TNRC6B: variants seen among roughly 807,000 people sequenced by gnomAD.
TNRC6B encodes trinucleotide repeat-containing gene 6B protein.
Under a neutral mutation model 203.6 loss-of-function variants are expected in TNRC6B, and 52 were observed. That is an observed-to-expected ratio of 0.26 (90% confidence interval 0.20 to 0.32). TNRC6B has a LOEUF of 0.32. Among genes scored for constraint, TNRC6B ranks in the 10% least tolerant of loss-of-function variants. TNRC6B has a pLI of 1.00. For synonymous variants in TNRC6B, 838 were observed against 845.7 expected (o/e 0.99, Z 0.16); for missense variants, 1,923 against 2,286.2 (o/e 0.84, Z 3.24).
intron 21 of TNRC6B, among the ~76,000 whole-genome samples, chr22:40,320,619 G>A (rs956561558): frequency 6.6e-6 from 1 of 152,214 alleles, no homozygotes; most frequent in Non-Finnish European, 1.5e-5. Flanking sequence ...GGGGTGAGGG[G>A]TACAGCCTTT....
chr22:40,081,767 C>G (rs1167342470), intron 1 of TNRC6B, among the ~76,000 whole-genome samples: 1 of 152,220 alleles, frequency 6.6e-6, no homozygotes, highest in African/African-American at 2.4e-5. Flanking sequence ...TACATACTTC[C>G]TATTATTGTA....
chr22:40,252,227 C>A (rs1442609502), intron 3 of TNRC6B, among the ~76,000 whole-genome samples: 1 of 152,190 alleles, frequency 6.6e-6, no homozygotes, highest in Non-Finnish European at 1.5e-5. Flanking sequence ...TGCATAAAAT[C>A]GTCAAAATAT....
At chr22:40,261,505 G>A (rs2146493167) in intron 3 of TNRC6B, among the ~76,000 whole-genome samples, 1 of 152,086 alleles carries the variant, frequency 6.6e-6, no homozygotes, top group South Asian at 2.1e-4. Context: ...TTGAACCTGG[G>A]AGGCGGAGGT....
At chr22:40,111,283 C>A (rs563287389) in intron 1 of TNRC6B, among the ~76,000 whole-genome samples, 1 of 152,070 alleles carries the variant, frequency 6.6e-6, no homozygotes, top group Non-Finnish European at 1.5e-5. Flanking sequence ...GGCAGTGGGG[C>A]GAGCAGGGAC....
intron 1 of TNRC6B, among the ~76,000 whole-genome samples, chr22:40,061,381 A>ATTTT (rs547333413): frequency 2.8e-5 from 4 of 144,326 alleles, no homozygotes; most frequent in African/African-American, 1.0e-4. Context: ...CGTCTGCCTA[A>ATTTT]TTTTTTTTTT....
At chr22:40,074,173 A>C (rs1048422137) in intron 1 of TNRC6B, among the ~76,000 whole-genome samples, 1 of 150,400 alleles carries the variant, frequency 6.6e-6, no homozygotes, top group African/African-American at 2.5e-5. Flanking sequence ...CAGAGACTGC[A>C]GTGAGCTGAG....
intron 15 of TNRC6B, among the ~76,000 whole-genome samples, chr22:40,306,279 G>A (rs1231288006): frequency 1.1e-4 from 16 of 152,072 alleles, no homozygotes; most frequent in Non-Finnish European, 1.6e-4. Flanking sequence ...GCGACAGAGC[G>A]AGACTCCGTC....
intron 1 of TNRC6B, among the ~76,000 whole-genome samples, chr22:40,111,220 G>A (rs558874490): frequency 1.4e-4 from 22 of 152,352 alleles, no homozygotes; most frequent in Non-Finnish European, 2.8e-4. Flanking sequence ...AACGGCACGC[G>A]AAACCACGTG....
intron 3 of TNRC6B, among the ~76,000 whole-genome samples, chr22:40,135,862 G>A (rs1010566309): frequency 6.6e-6 from 1 of 152,200 alleles, no homozygotes; most frequent in Non-Finnish European, 1.5e-5. Context: ...GATTTGCTGT[G>A]TTAGGATAAC....
Position 40,332,051 on chromosome 22 carries a change from T to C in TNRC6B, c.*8810T>C, listed in dbSNP as rs2043987921. 1 of 169,358 alleles carries C rather than the reference T, an allele frequency of 5.9e-6. No individual in the cohort carries two copies. Among genetic ancestry groups the C allele is most frequent in the African/African-American group, 2.4e-5 (1 of 42,316 alleles). 10.5% of individuals were successfully genotyped at this position (169,358 alleles called of 1,614,324 possible). The stretch of plus-strand genomic sequence containing the variant: ...TGGAACTCCACAGGCTCCAGTGTTC[T>C]CTGGAAAAAGTACTCATCCTTTCCT... On this transcript the variant is annotated 3_prime_UTR_variant, in exon 23 of 23. Transcript: ENST00000454349.
intron 1 of TNRC6B, among the ~76,000 whole-genome samples, chr22:40,052,606 A>C (rs934559477): frequency 1.3e-5 from 2 of 151,692 alleles, no homozygotes; most frequent in African/African-American, 2.4e-5. Flanking sequence ...ACAGACACGC[A>C]CCTCCACACC....
At chr22:40,171,043 T>C (rs2068990885) in intron 4 of TNRC6B, among the ~76,000 whole-genome samples, 2 of 18,832 alleles carry the variant, frequency 1.1e-4, no homozygotes. Flanking sequence ...TATAGGTGTA[T>C]ATATATATAC....
Position 40,280,024 on chromosome 22 carries a change from G to A in TNRC6B, c.3292G>A (p.Asp1098Asn). Residue 1098 changes from aspartate (D) to asparagine (N), a missense_variant, in exon 10 of 23, where the codon GAC becomes AAC. Coordinates refer to ENST00000454349, the MANE Select transcript of TNRC6B (RefSeq NM_001162501.2). Reference sequence around the variant, plus strand: ...CCTTTCAGATAAAAAATTTGATGTGGACAAGCGAGCGATGAATCTCGGGGA... The same window carrying A: ...CCTTTCAGATAAAAAATTTGATGTGAACAAGCGAGCGATGAATCTCGGGGA... ...GSLSDKKFDV[D>N]KRAMNLGDFN... 6.2e-7 allele frequency: 1 copy of A among 1,613,902 alleles called. No individual in the cohort carries two copies. The highest frequency in any genetic ancestry group is 8.5e-7 in the Non-Finnish European group (1 of 1,179,844).
intron 1 of TNRC6B, among the ~76,000 whole-genome samples, chr22:40,194,463 A>G (rs922490694): frequency 1.3e-5 from 2 of 152,206 alleles, no homozygotes; most frequent in East Asian, 1.9e-4. Flanking sequence ...GCCAGGTAGC[A>G]TTGCAGTAGC....
At chr22:40,058,941 C>T (rs1047449467) in intron 1 of TNRC6B, among the ~76,000 whole-genome samples, 1 of 152,144 alleles carries the variant, frequency 6.6e-6, no homozygotes, top group Non-Finnish European at 1.5e-5. Flanking sequence ...CTAGTTTCTC[C>T]CCAGAAAACA....
chr22:40,197,526 A>T (rs1465922594), intron 1 of TNRC6B, among the ~76,000 whole-genome samples: 1 of 151,392 alleles, frequency 6.6e-6, no homozygotes, highest in Non-Finnish European at 1.5e-5. Context: ...TGACCTCATG[A>T]TCTACCCCCC....
At chr22:40,148,695 C>T (rs904755646) in intron 3 of TNRC6B, among the ~76,000 whole-genome samples, 6 of 82,998 alleles carry the variant, frequency 7.2e-5, no homozygotes, top group Admixed American at 2.8e-4. Flanking sequence ...CTTAGAATGT[C>T]GTCTTACTTG....
intron 12 of TNRC6B, among the ~76,000 whole-genome samples, chr22:40,296,653 T>C (rs1335916125): frequency 7.0e-6 from 1 of 143,770 alleles, no homozygotes; most frequent in Non-Finnish European, 1.5e-5. Flanking sequence ...TTCCTTATGG[T>C]GTTTCTCTCT....
intron 1 of TNRC6B, 72 bp downstream of exon 1, chr22:40,178,212 G>T: frequency 6.4e-7 from 1 of 1,564,348 alleles, no homozygotes. Context: ...TTCACTGGTG[G>T]TGTTGCAAAT....
Sources: gnomAD v4.1 joint callset for allele counts (sites outside exome capture counted in the v4.1 genomes callset) on GRCh38, gnomAD v4.1.1 for gene constraint, MANE v1.5 for transcripts, NCBI Gene and HGNC (gene_info 2026-07-23, HGNC 2026-07-21) for gene names.